The following APP variants were observed in gnomAD, a reference collection of about 807,000 sequenced individuals.
APP encodes the protein amyloid-beta precursor protein.
In APP, 31 loss-of-function variants were observed where a neutral mutation model predicts 101.4. That is an observed-to-expected ratio of 0.31 (90% CI 0.23 to 0.41). The LOEUF is 0.41. Among genes scored for constraint, APP ranks in the 10% least tolerant of loss-of-function variants. The probability of loss-of-function intolerance (pLI) is 1.00; values close to 1 mark genes in which losing one functional copy is unlikely to be tolerated. For missense variants in APP, 839 were observed against 1,003.7 expected (o/e 0.84, Z 2.22); for synonymous variants, 366 against 364.4 (o/e 1.00, Z -0.05).
intron 16 of APP, among the ~76,000 whole-genome samples, chr21:25,896,508 G>A (rs922204573): frequency 2.6e-5 from 4 of 151,972 alleles, no homozygotes; most frequent in African/African-American, 9.7e-5. Flanking sequence ...CCATTTTTCT[G>A]TCCACCACTG....
At chr21:26,090,787 G>A in intron 2 of APP, among the ~76,000 whole-genome samples, 1 of 152,246 alleles carries the variant, frequency 6.6e-6, no homozygotes, top group South Asian at 2.1e-4. Flanking sequence ...CACATAGAAA[G>A]CTTTCTATAT....
intron 1 of APP, 60 bp downstream of exon 1, chr21:26,170,504 T>C (rs1449115930): frequency 6.6e-7 from 1 of 1,507,280 alleles, no homozygotes; most frequent in Non-Finnish European, 8.9e-7. Context: ...GTTAAGGTCT[T>C]GGGGGGTATC....
In APP at chr21:26,157,259, G is replaced by A. The variant is rs191447116; in HGVS notation, c.57+13305C>T. On this transcript the variant is annotated intron_variant, in intron 1 of 17. Transcript: ENST00000346798. Reference sequence around the variant, plus strand: ...TGATTTTTGTATTTTTTGTAGAGACGGGGTTTCACCATGTTGGCCAGGCTG... The same window carrying A: ...TGATTTTTGTATTTTTTGTAGAGACAGGGTTTCACCATGTTGGCCAGGCTG... Among the ~76,000 whole-genome samples, 312 of 152,066 alleles carry A rather than the reference G, an allele frequency of 2.1e-3. 1 individual carries two copies. Among genetic ancestry groups the A allele is most frequent in the Middle Eastern group, 3.4e-3 (1 of 294 alleles).
intron 6 of APP, among the ~76,000 whole-genome samples, chr21:26,017,806 A>G (rs1442372661): frequency 6.6e-6 from 1 of 152,244 alleles, no homozygotes; most frequent in Non-Finnish European, 1.5e-5. Flanking sequence ...GCAAGTATCT[A>G]AATACACCAC....
chr21:25,895,164 T>C (rs1475926795), intron 16 of APP, among the ~76,000 whole-genome samples: 7 of 146,048 alleles, frequency 4.8e-5, no homozygotes, highest in African/African-American at 1.8e-4. Context: ...TAGAGTATAG[T>C]GTAAATACAA....
At chr21:25,988,345 GGGCGTTTTGTTGAAGGATCACTCT>G (rs908303433) in intron 8 of APP, among the ~76,000 whole-genome samples, 1 of 152,186 alleles carries the variant, frequency 6.6e-6, no homozygotes, top group Non-Finnish European at 1.5e-5. Context: ...ATATGTGATG[GGGCGTTTTGTTGAAGGATCACTCT>G]GGCTGCTATG....
rs1450275288 is a variant in APP, at chr21:26,021,895, G to C, written c.810C>G (p.Thr270=). 5.0e-6 allele frequency: 8 copies of C among 1,613,488 alleles called. No individual in the cohort carries two copies. The South Asian group carries it at 7.7e-5, about 16-fold the overall frequency. The change falls in exon 6 of 18, where the codon ACC becomes ACG. Residue 270 remains threonine (T), a synonymous_variant. Coordinates refer to ENST00000346798, the MANE Select transcript of APP (RefSeq NM_000484.4). ...EPYEEATERT[T]SIATTTTTTT... ...TGGTGGTGGTGGTGGTGGCAATGCT[G>C]GTGGTTCTCTCTGTGGCTTCTTCGT...
At chr21:25,953,286 G>A (rs1377987700) in intron 13 of APP, among the ~76,000 whole-genome samples, 3 of 152,168 alleles carry the variant, frequency 2.0e-5, no homozygotes, top group Non-Finnish European at 4.4e-5. Context: ...CCATTAATGT[G>A]CAGTACTGAA....
At chr21:26,006,481 G>C (rs777474901) in intron 6 of APP, among the ~76,000 whole-genome samples, 20 of 152,198 alleles carry the variant, frequency 1.3e-4, no homozygotes, top group Non-Finnish European at 2.8e-4. Context: ...CCCTTGCTGA[G>C]ATTTGTGCTC....
chr21:26,033,139 T>G (rs987568968), intron 5 of APP, among the ~76,000 whole-genome samples: 1 of 152,204 alleles, frequency 6.6e-6, no homozygotes, highest in Admixed American at 6.5e-5. Flanking sequence ...ATGGTTTGGC[T>G]GTGTCCTCAC....
intron 14 of APP, among the ~76,000 whole-genome samples, chr21:25,910,352 G>T (rs773982738): frequency 1.3e-4 from 20 of 151,962 alleles, no homozygotes; most frequent in Non-Finnish European, 2.5e-4. Context: ...GGATGGTCTC[G>T]ATCTCCTGAC....
chr21:25,960,670 T>A (rs1184908002), intron 11 of APP, among the ~76,000 whole-genome samples: 1 of 152,160 alleles, frequency 6.6e-6, no homozygotes, highest in Non-Finnish European at 1.5e-5. Context: ...CCAGGGATAA[T>A]GAGACCTGGG....
At chr21:25,959,941 C>T (rs913127902) in intron 11 of APP, among the ~76,000 whole-genome samples, 1 of 152,152 alleles carries the variant, frequency 6.6e-6, no homozygotes, top group Non-Finnish European at 1.5e-5. Flanking sequence ...CCTAACTTAT[C>T]CTGAAAATCC....
At chr21:26,138,275 A>G (rs999666609) in intron 1 of APP, among the ~76,000 whole-genome samples, 2 of 152,170 alleles carry the variant, frequency 1.3e-5, no homozygotes, top group African/African-American at 4.8e-5. Flanking sequence ...TGGATGATGT[A>G]TATGTCTGAA....
intron 5 of APP, among the ~76,000 whole-genome samples, chr21:26,044,123 C>A (rs1296661316): frequency 6.6e-6 from 1 of 152,094 alleles, no homozygotes; most frequent in Non-Finnish European, 1.5e-5. Flanking sequence ...TTGCTGTGTT[C>A]CCAAAGTACT....
At chr21:25,952,183 T>TACACACACAC (rs1235142196) in intron 13 of APP, among the ~76,000 whole-genome samples, 7 of 120,496 alleles carry the variant, frequency 5.8e-5, no homozygotes, top group African/African-American at 1.9e-4. Flanking sequence ...GAGAGCATAT[T>TACACACACAC]ACATACATAC....
intron 5 of APP, among the ~76,000 whole-genome samples, chr21:26,032,635 A>G (rs2044880891): frequency 6.6e-6 from 1 of 152,192 alleles, no homozygotes; most frequent in African/African-American, 2.4e-5. Context: ...ACAGCACATG[A>G]TAAGAGTTAA....
chr21:26,047,307 T>C (rs1368670924), intron 5 of APP, among the ~76,000 whole-genome samples: 1 of 152,172 alleles, frequency 6.6e-6, no homozygotes, highest in Non-Finnish European at 1.5e-5. Context: ...TCCAGGAAAA[T>C]GGTAGCTCGT....
chr21:25,932,170 A>G (rs2040177323), intron 13 of APP, among the ~76,000 whole-genome samples: 1 of 152,244 alleles, frequency 6.6e-6, no homozygotes, highest in Non-Finnish European at 1.5e-5. Context: ...TTTAAATCAA[A>G]TCATTTTAGA....
Sources: allele counts gnomAD v4.1 joint callset (sites outside exome capture counted in the v4.1 genomes callset), GRCh38; gene constraint gnomAD v4.1.1; transcripts MANE v1.5; gene names NCBI Gene and HGNC (gene_info 2026-07-23, HGNC 2026-07-21).